CYP2C18: variants seen among roughly 807,000 people sequenced by gnomAD.
CYP2C18 encodes cytochrome P450 family 2 subfamily C member 18, also known as cytochrome P450 2C18.
A neutral mutation model predicts 41.3 loss-of-function variants in CYP2C18; 38 were observed. That is an observed-to-expected ratio of 0.92 (90% confidence interval 0.71 to 1.21). CYP2C18 has a LOEUF of 1.21. Among genes scored for constraint, CYP2C18 ranks in the 50% most tolerant of loss-of-function variants. The pLI, the probability that CYP2C18 is intolerant of heterozygous loss-of-function variation, is 0.00. For missense variants in CYP2C18, 635 were observed against 591.4 expected (o/e 1.07, Z -0.77); for synonymous variants, 236 against 210.0 (o/e 1.12, Z -1.07).
chr10:94,725,690 A>G (rs1299252430), intron 7 of CYP2C18, among the ~76,000 whole-genome samples: 1 of 152,140 alleles, frequency 6.6e-6, no homozygotes, highest in African/African-American at 2.4e-5. Flanking sequence ...AATTTGATCA[A>G]ATGGAGTCTC....
intron 3 of CYP2C18, among the ~76,000 whole-genome samples, chr10:94,689,708 T>G (rs1846962091): frequency 6.6e-6 from 1 of 152,180 alleles, no homozygotes; most frequent in Non-Finnish European, 1.5e-5. Flanking sequence ...TAGAGAATAT[T>G]GACAAGAAAA....
chr10:94,688,750 A>G (rs963688311), intron 3 of CYP2C18, among the ~76,000 whole-genome samples: 1 of 152,204 alleles, frequency 6.6e-6, no homozygotes, highest in Non-Finnish European at 1.5e-5. Context: ...TTTTCAAATC[A>G]TTACAGCATG....
intron 5 of CYP2C18, among the ~76,000 whole-genome samples, chr10:94,719,295 T>C (rs1847607593): frequency 6.6e-6 from 1 of 152,290 alleles, no homozygotes; most frequent in East Asian, 1.9e-4. Context: ...TTATTTCACA[T>C]ACAGGGTGTC....
chr10:94,701,620 A>G (rs1208267086), intron 4 of CYP2C18, among the ~76,000 whole-genome samples: 2 of 152,182 alleles, frequency 1.3e-5, no homozygotes, highest in Non-Finnish European at 2.9e-5. Context: ...AAGTATAATA[A>G]AAAATAATTA....
chr10:94,715,077 G>A (rs1847515080), intron 5 of CYP2C18, among the ~76,000 whole-genome samples: 1 of 152,112 alleles, frequency 6.6e-6, no homozygotes, highest in Non-Finnish European at 1.5e-5. Flanking sequence ...TGGAGATTTT[G>A]GGCTGAGGCA....
intron 7 of CYP2C18, among the ~76,000 whole-genome samples, chr10:94,732,982 T>G (rs868733745): frequency 6.6e-6 from 1 of 152,066 alleles, no homozygotes; most frequent in Non-Finnish European, 1.5e-5. Flanking sequence ...ACTGAAGTGA[T>G]GAAATACAGC....
chr10:94,725,836 C>T (rs1452604003), intron 7 of CYP2C18, among the ~76,000 whole-genome samples: 1 of 152,066 alleles, frequency 6.6e-6, no homozygotes, highest in African/African-American at 2.4e-5. Flanking sequence ...GATGTTTGAA[C>T]TTATATTTAC....
chr10:94,724,167 T>C (rs1424173962), intron 6 of CYP2C18, among the ~76,000 whole-genome samples, 179 bp from the exon 7 acceptor site: 2 of 151,884 alleles, frequency 1.3e-5, no homozygotes, highest in African/African-American at 4.8e-5. Flanking sequence ...ACTTAGCTTG[T>C]AGGAGAGTTG....
intron 3 of CYP2C18, 53 bp from the exon 4 acceptor site, chr10:94,694,864 A>C: frequency 6.4e-7 from 1 of 1,558,568 alleles, no homozygotes. Context: ...TCAAAGACAA[A>C]GTATTTTATA....
rs143758460 is a variant in CYP2C18, at chr10:94,716,867, G to C, written c.820-3529G>C. ...TTGCTTTATGAATCTGGGTGCTCCT[G>C]TATTGGGTGCATATATATTTAGGAT... On this transcript the variant is annotated intron_variant, in intron 5 of 8. Transcript: ENST00000285979. 4.6e-3 allele frequency among the ~76,000 whole-genome samples: 708 copies of C among 152,272 alleles called. 3 individuals carry two copies. The highest frequency in any genetic ancestry group is 0.016 in the African/African-American group (685 of 41,562).
At position 94,688,477 on chromosome 10, in the gene CYP2C18, G is replaced by A. The variant is rs1240549547; in HGVS notation, c.481+203G>A. 2.0e-5 allele frequency among the ~76,000 whole-genome samples: 3 copies of A among 152,160 alleles called. No individual in the cohort carries two copies. In the East Asian group the frequency reaches 5.8e-4, roughly 29 times the overall value. On this transcript the variant is annotated intron_variant, in intron 3 of 8. Coordinates refer to ENST00000285979, the MANE Select transcript of CYP2C18 (RefSeq NM_000772.3). ...ATTTCTATATTTTGAGAACAGACCT[G>A]TGTTCTAGCTATCTTGAAATACGCA...
intron 7 of CYP2C18, among the ~76,000 whole-genome samples, chr10:94,728,318 T>C (rs1847776118): frequency 6.6e-6 from 1 of 152,118 alleles, no homozygotes; most frequent in Admixed American, 6.6e-5. Context: ...ATATGTGCGG[T>C]CCACATTTTG....
intron 3 of CYP2C18, among the ~76,000 whole-genome samples, chr10:94,691,801 G>C (rs1400078533): frequency 1.3e-5 from 2 of 152,168 alleles, no homozygotes; most frequent in Non-Finnish European, 2.9e-5. Flanking sequence ...AACCAAAACA[G>C]CATGGTACTG....
chr10:94,700,049 T>C (rs892860413), intron 4 of CYP2C18, among the ~76,000 whole-genome samples: 3 of 152,214 alleles, frequency 2.0e-5, no homozygotes, highest in African/African-American at 4.8e-5. Context: ...ACGGCCATAC[T>C]GCCCAAGGTA....
At chr10:94,691,072 A>C (rs1282024377) in intron 3 of CYP2C18, among the ~76,000 whole-genome samples, 1 of 152,192 alleles carries the variant, frequency 6.6e-6, no homozygotes, top group African/African-American at 2.4e-5. Context: ...TATCATACTG[A>C]ATGGACAAAA....
chr10:94,730,738 A>G (rs1392334820), intron 7 of CYP2C18, among the ~76,000 whole-genome samples: 1 of 152,106 alleles, frequency 6.6e-6, no homozygotes, highest in South Asian at 2.1e-4. Context: ...AAATCGAAAT[A>G]TCTCTCTTCA....
intron 5 of CYP2C18, among the ~76,000 whole-genome samples, chr10:94,718,237 T>G (rs1847589476): frequency 6.6e-6 from 1 of 152,138 alleles, no homozygotes; most frequent in Admixed American, 6.6e-5. Flanking sequence ...AAAATTTCTT[T>G]TTCATATCAT....
intron 5 of CYP2C18, among the ~76,000 whole-genome samples, chr10:94,707,489 G>A (rs541250913): frequency 1.3e-5 from 2 of 152,220 alleles, no homozygotes; most frequent in South Asian, 4.1e-4. Flanking sequence ...GGACAAATAT[G>A]GAATTGGAGG....
At chr10:94,706,274 A>C (rs866086263) in intron 4 of CYP2C18, among the ~76,000 whole-genome samples, 1 of 152,194 alleles carries the variant, frequency 6.6e-6, no homozygotes, top group Non-Finnish European at 1.5e-5. Flanking sequence ...ACTCTGGTGT[A>C]TGGGTACTTA....
Sources: gnomAD v4.1 joint callset for allele counts (sites outside exome capture counted in the v4.1 genomes callset) on GRCh38, gnomAD v4.1.1 for gene constraint, MANE v1.5 for transcripts, NCBI Gene and HGNC (gene_info 2026-07-23, HGNC 2026-07-21) for gene names.